CEP112: variants seen among roughly 807,000 people sequenced by gnomAD.
CEP112 encodes centrosomal protein of 112 kDa.
Under a neutral mutation model 153.0 loss-of-function variants are expected in CEP112, and 127 were observed. The ratio of observed to expected loss-of-function variants is 0.83; its 90% CI spans 0.72 to 0.96. The LOEUF is 0.96. CEP112 is among the 40% of genes least tolerant of loss of function. The probability of loss-of-function intolerance (pLI) is 0.00; values close to 1 mark genes in which losing one functional copy is unlikely to be tolerated. For missense variants in CEP112, 1,089 were observed against 1,101.2 expected, an observed-to-expected ratio of 0.99 and a Z score of 0.16; for synonymous variants, 358 against 374.4, an observed-to-expected ratio of 0.96 and a Z score of 0.51.
intron 8 of CEP112, among the ~76,000 whole-genome samples, chr17:66,077,403 C>A (rs992650636): frequency 6.6e-6 from 1 of 152,080 alleles, no homozygotes; most frequent in African/African-American, 2.4e-5. Flanking sequence ...TAGAGAAATG[C>A]AAAATGCTCT....
intron 11 of CEP112, among the ~76,000 whole-genome samples, chr17:66,057,434 G>T (rs1244478417): frequency 6.6e-6 from 1 of 152,088 alleles, no homozygotes; most frequent in Admixed American, 6.6e-5. Flanking sequence ...TTCTCCATGG[G>T]ATAGGGAAAA....
intron 6 of CEP112, among the ~76,000 whole-genome samples, chr17:66,123,277 C>T (rs1037276104): frequency 2.6e-5 from 4 of 152,206 alleles, no homozygotes; most frequent in African/African-American, 9.7e-5. Flanking sequence ...GGAATTTAGC[C>T]ACCTCCACTT....
intron 21 of CEP112, among the ~76,000 whole-genome samples, chr17:65,840,294 G>A (rs1002165378): frequency 1.3e-5 from 2 of 152,060 alleles, no homozygotes; most frequent in Non-Finnish European, 2.9e-5. Context: ...AAAACAGCAT[G>A]GTACTGGCAG....
intron 21 of CEP112, among the ~76,000 whole-genome samples, chr17:65,766,110 TCA>T (rs1484935008): frequency 7.0e-6 from 1 of 143,666 alleles, no homozygotes; most frequent in Non-Finnish European, 1.5e-5. Context: ...ATGATATCAA[TCA>T]GTTTATGATC....
intron 4 of CEP112, among the ~76,000 whole-genome samples, chr17:66,149,868 G>GT (rs1198335741): frequency 2.9e-3 from 228 of 79,510 alleles, no homozygotes; most frequent in Non-Finnish European, 3.8e-3. Flanking sequence ...TAAATTTAGG[G>GT]TTTTTTTTTT....
At chr17:65,646,548 G>T (rs1490097375) in intron 24 of CEP112, among the ~76,000 whole-genome samples, 1 of 152,270 alleles carries the variant, frequency 6.6e-6, no homozygotes, top group African/African-American at 2.4e-5. Flanking sequence ...CTGTGTGCCA[G>T]GTGTGACTCT....
At chr17:65,987,879 T>C (rs1461166621) in intron 17 of CEP112, among the ~76,000 whole-genome samples, 2 of 152,020 alleles carry the variant, frequency 1.3e-5, no homozygotes, top group Non-Finnish European at 1.5e-5. Context: ...TTCTCCAACA[T>C]ATTGGGTTCC....
At chr17:66,014,316 C>G (rs1304890476) in intron 16 of CEP112, among the ~76,000 whole-genome samples, 2 of 152,152 alleles carry the variant, frequency 1.3e-5, no homozygotes, top group African/African-American at 4.8e-5. Flanking sequence ...AGGGAGGCAT[C>G]CTGGTTGAGC....
At chr17:65,768,527 C>T (rs8077164) in intron 21 of CEP112, among the ~76,000 whole-genome samples, 73,580 of 151,910 alleles carry the variant, frequency 0.48, 19,469 homozygotes, top group East Asian at 0.78. Context: ...TATAGGCCAA[C>T]CTCTCTGAAG....
At chr17:66,088,587 C>T (rs528645469) in intron 8 of CEP112, among the ~76,000 whole-genome samples, 4 of 152,024 alleles carry the variant, frequency 2.6e-5, no homozygotes, top group Non-Finnish European at 4.4e-5. Flanking sequence ...GCCAACACAA[C>T]CCCATGCTTT....
chr17:65,825,999 C>T (rs753600068), intron 21 of CEP112: 8 of 783,702 alleles, frequency 1.0e-5, no homozygotes, highest in Admixed American at 6.5e-5. Context: ...AATGTGATTG[C>T]AGTTTGTTCC....
At chr17:66,161,807 T>C (rs2071720643) in intron 4 of CEP112, among the ~76,000 whole-genome samples, 2 of 151,876 alleles carry the variant, frequency 1.3e-5, no homozygotes, top group African/African-American at 2.4e-5. Context: ...ATTCTACACA[T>C]GTATCCCAGA....
intron 24 of CEP112, among the ~76,000 whole-genome samples, chr17:65,642,582 A>G (rs76836313): frequency 0.014 from 2,092 of 152,320 alleles, 56 homozygotes; most frequent in African/African-American, 0.048. Context: ...ATAATAAAAC[A>G]TGATCTCTCC....
At chr17:66,146,819 A>G (rs2070939057) in intron 4 of CEP112, among the ~76,000 whole-genome samples, 1 of 152,122 alleles carries the variant, frequency 6.6e-6, no homozygotes, top group Non-Finnish European at 1.5e-5. Context: ...AGATTTATCC[A>G]TGTTGTCCCA....
chr17:65,872,713 T>C (rs148255920), intron 20 of CEP112, among the ~76,000 whole-genome samples: 88 of 152,350 alleles, frequency 5.8e-4, no homozygotes, highest in African/African-American at 2.0e-3. Context: ...GTGGTTTCAT[T>C]AGCTTAACAT....
chr17:65,944,168 T>C (rs1464520919), intron 18 of CEP112, among the ~76,000 whole-genome samples: 1 of 152,124 alleles, frequency 6.6e-6, no homozygotes, highest in African/African-American at 2.4e-5. Flanking sequence ...AGAGAACACA[T>C]AGACACAGGG....
intron 20 of CEP112, among the ~76,000 whole-genome samples, chr17:65,874,665 T>C (rs991735182): frequency 1.3e-5 from 2 of 152,134 alleles, no homozygotes; most frequent in South Asian, 4.1e-4. Flanking sequence ...CAAGATTTAT[T>C]ATGAAAATTT....
intron 24 of CEP112, among the ~76,000 whole-genome samples, chr17:65,685,507 T>C (rs1197361651): frequency 6.6e-6 from 1 of 152,138 alleles, no homozygotes; most frequent in Non-Finnish European, 1.5e-5. Flanking sequence ...AAACACATTT[T>C]AGTTGTTCGA....
intron 17 of CEP112, among the ~76,000 whole-genome samples, chr17:65,995,991 A>C (rs947862980): frequency 2.0e-5 from 3 of 152,154 alleles, no homozygotes; most frequent in African/African-American, 7.2e-5. Context: ...TGAGTCCATT[A>C]AACCTCTTTT....
Sources: gnomAD v4.1 joint callset for allele counts (sites outside exome capture counted in the v4.1 genomes callset) on GRCh38, gnomAD v4.1.1 for gene constraint, MANE v1.5 for transcripts, NCBI Gene and HGNC (gene_info 2026-07-23, HGNC 2026-07-21) for gene names.